Variants in COBL observed in about 807,000 individuals in gnomAD.
COBL encodes cordon-bleu WH2 repeat protein, also known as protein cordon-bleu.
Under a neutral mutation model 98.8 loss-of-function variants are expected in COBL, and 51 were observed. The ratio of observed to expected loss-of-function variants is 0.52; its 90% confidence interval spans 0.41 to 0.65. The LOEUF is 0.65. Ranked by LOEUF, COBL falls within the 30% of genes least tolerant of loss-of-function variation. The pLI, the probability that COBL is intolerant of heterozygous loss-of-function variation, is 0.00. For missense variants in COBL, 1,617 were observed against 1,617.5 expected (o/e 1.00, Z 0.01); for synonymous variants, 634 against 651.7 (o/e 0.97, Z 0.41).
chr7:51,113,649 A>C (rs1797026721), intron 6 of COBL, among the ~76,000 whole-genome samples: 1 of 152,234 alleles, frequency 6.6e-6, no homozygotes, highest in Admixed American at 6.5e-5. Flanking sequence ...TTTTGGAAAA[A>C]AAATATGTCT....
intron 2 of COBL, among the ~76,000 whole-genome samples, chr7:51,198,128 T>G (rs929008058): frequency 5.9e-5 from 9 of 152,184 alleles, no homozygotes; most frequent in Middle Eastern, 3.2e-3. Flanking sequence ...TGTACTTTAG[T>G]GTTAGTAGCT....
intron 7 of COBL, among the ~76,000 whole-genome samples, chr7:51,083,447 T>C (rs1045129093): frequency 2.6e-5 from 4 of 152,220 alleles, no homozygotes; most frequent in Non-Finnish European, 5.9e-5. Context: ...ACATACGTAG[T>C]GTTCTATCAT....
chr7:51,073,578 T>C (rs1445734639), intron 7 of COBL, among the ~76,000 whole-genome samples: 4 of 152,204 alleles, frequency 2.6e-5, no homozygotes, highest in African/African-American at 7.2e-5. Context: ...AAAGGGCCTA[T>C]TGATCCAACA....
chr7:51,271,640 C>T (rs1175203926), intron 1 of COBL, among the ~76,000 whole-genome samples: 2 of 152,160 alleles, frequency 1.3e-5, no homozygotes, highest in Non-Finnish European at 2.9e-5. Context: ...GGAGAGGAAA[C>T]TGAAAAAGAC....
intron 7 of COBL, among the ~76,000 whole-genome samples, chr7:51,048,903 T>C (rs1172692657): frequency 2.0e-5 from 3 of 152,234 alleles, no homozygotes; most frequent in African/African-American, 7.2e-5. Flanking sequence ...ACTGGATTAC[T>C]TATTGCTAGC....
chr7:51,194,858 T>G (rs1243143394), intron 2 of COBL, among the ~76,000 whole-genome samples: 1 of 152,064 alleles, frequency 6.6e-6, no homozygotes, highest in Non-Finnish European at 1.5e-5. Context: ...AGGTTTTTAA[T>G]GGGTTTTGTT....
intron 1 of COBL, among the ~76,000 whole-genome samples, chr7:51,233,663 G>A (rs992033540): frequency 6.6e-6 from 1 of 152,176 alleles, no homozygotes; most frequent in African/African-American, 2.4e-5. Flanking sequence ...GCGCATAACT[G>A]ATTGGAACTC....
At chr7:51,308,838 G>A (rs997809520) in intron 1 of COBL, among the ~76,000 whole-genome samples, 2 of 152,184 alleles carry the variant, frequency 1.3e-5, no homozygotes, top group Non-Finnish European at 2.9e-5. Context: ...AGCAAAGGAC[G>A]TCAGCACCCC....
chr7:51,033,579 A>C (rs1788355839), intron 8 of COBL: 1 of 152,276 alleles, frequency 6.6e-6, no homozygotes, highest in Non-Finnish European at 1.5e-5. Context: ...AGGCGGAGAC[A>C]GAAATCTAAC....
chr7:51,160,673 T>TCA (rs1178837287), intron 5 of COBL, among the ~76,000 whole-genome samples: 1 of 151,934 alleles, frequency 6.6e-6, no homozygotes, highest in Non-Finnish European at 1.5e-5. Context: ...CTCTAAGAGG[T>TCA]CACAAACTGT....
chr7:51,232,662 T>A (rs1010670544), intron 1 of COBL, among the ~76,000 whole-genome samples: 7 of 151,798 alleles, frequency 4.6e-5, no homozygotes, highest in African/African-American at 1.7e-4. Flanking sequence ...ATACAAAAAA[T>A]CAGCTGGGCG....
intron 2 of COBL, among the ~76,000 whole-genome samples, chr7:51,204,097 A>AC (rs897381497): frequency 6.6e-6 from 1 of 152,246 alleles, no homozygotes; most frequent in African/African-American, 2.4e-5. Flanking sequence ...GTGATACAAC[A>AC]CATCAACACA....
intron 5 of COBL, among the ~76,000 whole-genome samples, chr7:51,160,969 T>C (rs1256545300): frequency 1.3e-5 from 2 of 151,956 alleles, no homozygotes; most frequent in East Asian, 1.9e-4. Flanking sequence ...AGTGGCGCAA[T>C]CGAGGCTCAC....
At chr7:51,250,998 A>G (rs1796683607) in intron 1 of COBL, among the ~76,000 whole-genome samples, 1 of 152,238 alleles carries the variant, frequency 6.6e-6, no homozygotes, top group Non-Finnish European at 1.5e-5. Context: ...CCTGCTTTAA[A>G]TTACTATTGA....
At chr7:51,313,871 A>C (rs1339445776) in intron 1 of COBL, among the ~76,000 whole-genome samples, 3 of 152,200 alleles carry the variant, frequency 2.0e-5, no homozygotes, top group Non-Finnish European at 4.4e-5. Context: ...GTATTCTGTC[A>C]ATTCTTATAC....
At chr7:51,067,044 G>T (rs1209106292) in intron 7 of COBL, among the ~76,000 whole-genome samples, 2 of 152,206 alleles carry the variant, frequency 1.3e-5, no homozygotes, top group African/African-American at 4.8e-5. Flanking sequence ...GGAGGCCAAA[G>T]TGGACAAGTT....
chr7:51,137,167 C>G (rs1032094472), intron 5 of COBL, among the ~76,000 whole-genome samples: 9 of 152,186 alleles, frequency 5.9e-5, no homozygotes, highest in Non-Finnish European at 1.2e-4. Context: ...GATCTTCCAC[C>G]TGTTACCATG....
chr7:51,194,024 CTTG>C (rs1790370030), intron 2 of COBL, among the ~76,000 whole-genome samples: 1 of 152,080 alleles, frequency 6.6e-6, no homozygotes. Flanking sequence ...GTCATGGGGG[CTTG>C]TTGTACAGCT....
At chr7:51,039,700 T>C (rs1355053262) in intron 8 of COBL, among the ~76,000 whole-genome samples, 1 of 152,234 alleles carries the variant, frequency 6.6e-6, no homozygotes, top group Admixed American at 6.5e-5. Flanking sequence ...AGTAATCTTG[T>C]TTCTCCCAAA....
Sources: allele counts gnomAD v4.1 joint callset (sites outside exome capture counted in the v4.1 genomes callset), GRCh38; gene constraint gnomAD v4.1.1; transcripts MANE v1.5; gene names NCBI Gene and HGNC (gene_info 2026-07-23, HGNC 2026-07-21).